Variants in BTBD9 observed in about 807,000 individuals in gnomAD.
BTBD9 encodes the protein BTB/POZ domain-containing protein 9.
A neutral mutation model predicts 64.3 loss-of-function variants in BTBD9; 49 were observed. The ratio of observed to expected loss-of-function variants is 0.76; its 90% confidence interval spans 0.61 to 0.97. The LOEUF is 0.97. Ranked by LOEUF, BTBD9 falls within the 50% of genes least tolerant of loss-of-function variation. BTBD9 has a pLI of 0.00. For synonymous variants in BTBD9, 260 were observed against 274.7 expected (o/e 0.95, Z 0.53); for missense variants, 598 against 762.1 (o/e 0.78, Z 2.53).
At chr6:38,534,050 GAAAC>G (rs537628769) in intron 6 of BTBD9, among the ~76,000 whole-genome samples, 23 of 151,824 alleles carry the variant, frequency 1.5e-4, no homozygotes, top group African/African-American at 4.3e-4. Context: ...AAATGAAACT[GAAAC>G]AAACAAACAA....
At position 38,589,079 on chromosome 6, in the gene BTBD9, A is replaced by G. The variant is rs1180626569; in HGVS notation, c.814+3497T>C. On this transcript the variant is annotated intron_variant, in intron 4 of 10. Coordinates refer to ENST00000481247, the MANE Select transcript of BTBD9 (RefSeq NM_001099272.2). The stretch of plus-strand genomic sequence containing the variant: ...ACTTACTTAATCATTACTCAAGTTC[A>G]GAAGTTAGATAAAGGATTCCCAAAC... Among the ~76,000 whole-genome samples, 5 of 152,236 alleles carry G rather than the reference A, an allele frequency of 3.3e-5. No individual in the cohort carries two copies. In the East Asian group the frequency reaches 9.6e-4, roughly 29 times the overall value.
chr6:38,577,752 TACC>T (rs773767942), intron 5 of BTBD9, 33 bp from the exon 6 acceptor site: 7 of 1,584,390 alleles, frequency 4.4e-6, no homozygotes, highest in East Asian at 2.2e-5. Context: ...AGAAAAAAAT[TACC>T]ACATTAAAAA....
chr6:38,278,753 T>C (rs933076200), intron 8 of BTBD9, among the ~76,000 whole-genome samples: 1 of 152,204 alleles, frequency 6.6e-6, no homozygotes, highest in African/African-American at 2.4e-5. Context: ...GTACAGAAGG[T>C]CTAAACACTC....
chr6:38,433,642 T>C (rs544248357), intron 6 of BTBD9, among the ~76,000 whole-genome samples: 57 of 152,140 alleles, frequency 3.7e-4, no homozygotes, highest in Non-Finnish European at 7.5e-4. Flanking sequence ...ACTCCTTTTT[T>C]GGACTCAGCC....
intron 6 of BTBD9, among the ~76,000 whole-genome samples, chr6:38,547,281 T>G (rs1774595462): frequency 6.6e-6 from 1 of 152,088 alleles, no homozygotes. Flanking sequence ...ATACAAATAA[T>G]TAGCTGGGCG....
At chr6:38,501,329 T>C (rs1772188154) in intron 6 of BTBD9, among the ~76,000 whole-genome samples, 1 of 152,200 alleles carries the variant, frequency 6.6e-6, no homozygotes, top group Non-Finnish European at 1.5e-5. Flanking sequence ...GGATTAGGAA[T>C]GCTCAACCAG....
chr6:38,539,468 A>G (rs2748159), intron 6 of BTBD9, among the ~76,000 whole-genome samples: 277 of 152,354 alleles, frequency 1.8e-3, no homozygotes, highest in African/African-American at 6.3e-3. Context: ...GGCTGATATT[A>G]TAAGTATTAT....
At chr6:38,602,791 A>G (rs553429143) in intron 1 of BTBD9, among the ~76,000 whole-genome samples, 3 of 151,800 alleles carry the variant, frequency 2.0e-5, no homozygotes, top group Non-Finnish European at 4.4e-5. Context: ...TATTATCTCC[A>G]CAGAGAAAAA....
At chr6:38,365,367 T>C (rs1021445072) in intron 6 of BTBD9, among the ~76,000 whole-genome samples, 1 of 152,064 alleles carries the variant, frequency 6.6e-6, no homozygotes, top group Non-Finnish European at 1.5e-5. Flanking sequence ...ACATTATAAC[T>C]GAAGTAAAAA....
intron 7 of BTBD9, among the ~76,000 whole-genome samples, chr6:38,326,245 G>T (rs539353473): frequency 6.6e-6 from 1 of 152,306 alleles, no homozygotes; most frequent in East Asian, 1.9e-4. Flanking sequence ...GTCAGAGAAT[G>T]AATGGTGTAT....
chr6:38,364,592 C>T (rs9349073), intron 6 of BTBD9, among the ~76,000 whole-genome samples: 103,235 of 152,094 alleles, frequency 0.68, 36,436 homozygotes, highest in East Asian at 0.96. Flanking sequence ...AACTGCAATA[C>T]TCCTTGCCTG....
intron 1 of BTBD9, among the ~76,000 whole-genome samples, chr6:38,613,504 C>T (rs575010563): frequency 6.6e-6 from 1 of 152,178 alleles, no homozygotes; most frequent in South Asian, 2.1e-4. Context: ...TCCCTGTAAT[C>T]CCAGCTACTT....
At chr6:38,444,052 C>G (rs530664044) in intron 6 of BTBD9, among the ~76,000 whole-genome samples, 1 of 152,222 alleles carries the variant, frequency 6.6e-6, no homozygotes. Flanking sequence ...GTTCTTCACA[C>G]TGGGTACCTG....
chr6:38,539,491 A>C (rs2127436302), intron 6 of BTBD9, among the ~76,000 whole-genome samples: 1 of 152,350 alleles, frequency 6.6e-6, no homozygotes, highest in East Asian at 1.9e-4. Flanking sequence ...CCAGAAGACC[A>C]CTGTTCTGCT....
intron 6 of BTBD9, among the ~76,000 whole-genome samples, chr6:38,464,485 ATTTTC>A (rs70981552): frequency 4.7e-4 from 70 of 150,108 alleles, no homozygotes; most frequent in Non-Finnish European, 7.3e-4. Context: ...ATTGTCTATA[ATTTTC>A]TTTTCTTTTC....
intron 7 of BTBD9, among the ~76,000 whole-genome samples, chr6:38,316,763 T>C (rs2127573763): frequency 6.6e-6 from 1 of 152,346 alleles, no homozygotes; most frequent in Admixed American, 6.5e-5. Flanking sequence ...TCTTTTTCTG[T>C]GTACTTATTA....
At chr6:38,549,680 C>A (rs1774707286) in intron 6 of BTBD9, among the ~76,000 whole-genome samples, 1 of 152,114 alleles carries the variant, frequency 6.6e-6, no homozygotes, top group Non-Finnish European at 1.5e-5. Flanking sequence ...GCTAAGCCTT[C>A]AGAGTAGGGA....
intron 1 of BTBD9, among the ~76,000 whole-genome samples, chr6:38,608,869 A>G (rs1167180648): frequency 1.3e-5 from 2 of 152,152 alleles, no homozygotes; most frequent in African/African-American, 2.4e-5. Context: ...CCTCTTCCTC[A>G]TTTGTTTTAT....
intron 6 of BTBD9, among the ~76,000 whole-genome samples, chr6:38,438,254 G>GGAAGGAAGGATGGAAGGAAA (rs1768844255): frequency 1.0e-5 from 1 of 96,812 alleles, no homozygotes; most frequent in Non-Finnish European, 1.9e-5. Flanking sequence ...GAGGGAGGAA[G>GGAAGGAAGGATGGAAGGAAA]GAAGGAAGGA....
Sources: allele counts gnomAD v4.1 joint callset (sites outside exome capture counted in the v4.1 genomes callset), GRCh38; gene constraint gnomAD v4.1.1; transcripts MANE v1.5; gene names NCBI Gene and HGNC (gene_info 2026-07-23, HGNC 2026-07-21).